NELL1: variants seen among roughly 807,000 people sequenced by gnomAD.
The protein encoded by NELL1 is protein kinase C-binding protein NELL1.
NELL1 carries 76 observed loss-of-function variants against 107.4 expected under a neutral mutation model. That is an observed-to-expected ratio of 0.71 (90% CI 0.59 to 0.86). The LOEUF is 0.86. NELL1 is among the 40% of genes least tolerant of loss of function. The pLI is 0.00. For missense variants in NELL1, 1,024 were observed against 1,005.5 expected (o/e 1.02, Z -0.25); for synonymous variants, 353 against 341.2 (o/e 1.03, Z -0.38).
At chr11:21,099,130 G>A (rs958582726) in intron 12 of NELL1, among the ~76,000 whole-genome samples, 1 of 151,304 alleles carries the variant, frequency 6.6e-6, no homozygotes, top group Non-Finnish European at 1.5e-5. Context: ...CATAAATTCT[G>A]AGTTTTTTTA....
chr11:21,446,732 C>G (rs747785520), intron 15 of NELL1, among the ~76,000 whole-genome samples: 1 of 152,144 alleles, frequency 6.6e-6, no homozygotes, highest in African/African-American at 2.4e-5. Context: ...GAAGCCAGCA[C>G]AGCACTGGGT....
At chr11:20,819,523 G>C (rs370544763) in intron 3 of NELL1, among the ~76,000 whole-genome samples, 1 of 152,272 alleles carries the variant, frequency 6.6e-6, no homozygotes, top group Admixed American at 6.5e-5. Flanking sequence ...AGATTCAGAG[G>C]CAGAAAGGGG....
intron 2 of NELL1, among the ~76,000 whole-genome samples, chr11:20,770,526 T>C (rs922017411): frequency 6.6e-6 from 1 of 152,192 alleles, no homozygotes; most frequent in Non-Finnish European, 1.5e-5. Context: ...GATAATTGCA[T>C]AGTTTCCCCA....
At chr11:20,821,254 C>T (rs1857745557) in intron 3 of NELL1, among the ~76,000 whole-genome samples, 2 of 152,176 alleles carry the variant, frequency 1.3e-5, no homozygotes, top group South Asian at 2.1e-4. Flanking sequence ...TCCTTTCCCT[C>T]CTCCACCCTT....
At chr11:21,056,758 A>G (rs997079947) in intron 12 of NELL1, among the ~76,000 whole-genome samples, 5 of 152,188 alleles carry the variant, frequency 3.3e-5, no homozygotes, top group Admixed American at 2.0e-4. Context: ...GAAAACTTCC[A>G]TATTTGCCAA....
intron 3 of NELL1, among the ~76,000 whole-genome samples, chr11:20,808,532 G>A (rs958006030): frequency 6.6e-6 from 1 of 152,238 alleles, no homozygotes; most frequent in African/African-American, 2.4e-5. Flanking sequence ...TGTCTAACTA[G>A]GTCACATGGC....
In NELL1 at chr11:20,800,896, C is replaced by T. The variant is rs1392036619; in HGVS notation, c.335+17066C>T. Among the ~76,000 whole-genome samples the T allele has an allele frequency of 2.0e-5, 3 of 152,190 alleles. No homozygotes were observed. The East Asian group carries it at 5.8e-4, about 29-fold the overall frequency. ...TGTTGAAACTGCAGGCCATAGTTGG[C>T]TTGTAGAAGGGCTTTCCTTGGTTGT... On this transcript the variant is annotated intron_variant, in intron 3 of 19. Coordinates refer to ENST00000357134, the MANE Select transcript of NELL1 (RefSeq NM_006157.5).
chr11:21,297,119 G>A (rs547212737), intron 14 of NELL1, among the ~76,000 whole-genome samples: 7 of 151,794 alleles, frequency 4.6e-5, no homozygotes, highest in Admixed American at 3.3e-4. Context: ...GTGGGAAAAG[G>A]GATCAAAGGA....
chr11:21,502,747 C>T (rs924772436), intron 15 of NELL1, among the ~76,000 whole-genome samples: 3 of 152,126 alleles, frequency 2.0e-5, no homozygotes, highest in Non-Finnish European at 4.4e-5. Context: ...ATTGTGACTA[C>T]TCAAAAAGGT....
intron 13 of NELL1, among the ~76,000 whole-genome samples, chr11:21,213,077 C>T (rs1857536396): frequency 2.0e-5 from 3 of 151,984 alleles, no homozygotes; most frequent in African/African-American, 7.2e-5. Flanking sequence ...TGTGTAGAAA[C>T]TAGAATTAAG....
chr11:21,431,844 G>A (rs934227821), intron 15 of NELL1, among the ~76,000 whole-genome samples: 1 of 152,062 alleles, frequency 6.6e-6, no homozygotes, highest in African/African-American at 2.4e-5. Context: ...TTTCTCAACA[G>A]GAGTAAAGTT....
chr11:21,569,406 G>A (rs1185287353), intron 17 of NELL1, among the ~76,000 whole-genome samples: 1 of 151,864 alleles, frequency 6.6e-6, no homozygotes, highest in Non-Finnish European at 1.5e-5. Flanking sequence ...GCATGTAAAT[G>A]CCTCTGCACA....
intron 2 of NELL1, among the ~76,000 whole-genome samples, chr11:20,775,929 T>A (rs959574118): frequency 4.6e-5 from 7 of 152,246 alleles, no homozygotes; most frequent in African/African-American, 1.7e-4. Context: ...GGCAGCTCAT[T>A]ACTTGAATGT....
chr11:21,384,415 T>G (rs1334441677), intron 15 of NELL1, among the ~76,000 whole-genome samples: 1 of 151,608 alleles, frequency 6.6e-6, no homozygotes, highest in East Asian at 2.0e-4. Flanking sequence ...CTGGCCATAA[T>G]TGTCTTCTTG....
chr11:21,160,157 C>T (rs1856330841), intron 13 of NELL1, among the ~76,000 whole-genome samples: 2 of 152,178 alleles, frequency 1.3e-5, no homozygotes, highest in South Asian at 2.1e-4. Context: ...GTAGGTCTGC[C>T]TCTGTGCCTT....
At position 21,245,507 on chromosome 11, in the gene NELL1, A is replaced by T. The variant is rs558247495; in HGVS notation, c.1549+16053A>T. 2.6e-5 allele frequency among the ~76,000 whole-genome samples: 4 copies of T among 152,292 alleles called. No individual in the cohort carries two copies. In the South Asian group the frequency reaches 8.3e-4, roughly 32 times the overall value. ...GGCTTTTCCTTGTCGTTCAAAATGAAGTTCAGGTTTTACCTCCTTAAGGCA... is the reference window on the plus strand; with the variant it reads ...GGCTTTTCCTTGTCGTTCAAAATGATGTTCAGGTTTTACCTCCTTAAGGCA... On this transcript the variant is annotated intron_variant, in intron 14 of 19. Coordinates refer to ENST00000357134, the MANE Select transcript of NELL1 (RefSeq NM_006157.5).
At chr11:20,707,463 C>T (rs1042183405) in intron 2 of NELL1, among the ~76,000 whole-genome samples, 4 of 152,220 alleles carry the variant, frequency 2.6e-5, no homozygotes, top group Non-Finnish European at 5.9e-5. Flanking sequence ...TGAGAATTTT[C>T]AGCTTTCCTT....
At chr11:21,571,617 C>T (rs1280064591) in intron 18 of NELL1, among the ~76,000 whole-genome samples, 1 of 151,584 alleles carries the variant, frequency 6.6e-6, no homozygotes, top group African/African-American at 2.4e-5. Context: ...TCAGATACTA[C>T]ATGTTTAAAA....
chr11:21,226,481 G>A lies in NELL1; in HGVS notation c.1427-2851G>A, dbSNP rs145172266. The stretch of plus-strand genomic sequence containing the variant: ...TCTTAGGAAAGTTATATAAAGTACT[G>A]TTGTCTAAGTTTCTTCATTGTAAAA... On this transcript the variant is annotated intron_variant, in intron 13 of 19. Coordinates refer to ENST00000357134, the MANE Select transcript of NELL1 (RefSeq NM_006157.5). 2.2e-4 allele frequency among the ~76,000 whole-genome samples: 33 copies of A among 152,134 alleles called. No individual in the cohort carries two copies. The East Asian group carries it at 4.8e-3, about 22-fold the overall frequency.
Sources: gnomAD v4.1 joint callset for allele counts (sites outside exome capture counted in the v4.1 genomes callset) on GRCh38, gnomAD v4.1.1 for gene constraint, MANE v1.5 for transcripts, NCBI Gene and HGNC (gene_info 2026-07-23, HGNC 2026-07-21) for gene names.